Variants in PAK2 observed in about 807,000 individuals in gnomAD.
The protein encoded by PAK2 is p21 (RAC1) activated kinase 2, also known as serine/threonine-protein kinase PAK 2.
PAK2 carries 21 observed loss-of-function variants against 65.9 expected under a neutral mutation model. The observed-to-expected ratio is 0.32, with a 90% CI of 0.23 to 0.46. PAK2 has a LOEUF of 0.46. Among genes scored for constraint, PAK2 ranks in the 20% least tolerant of loss-of-function variants. The pLI is 1.00. For synonymous variants in PAK2, 204 were observed against 219.7 expected, an observed-to-expected ratio of 0.93 and a Z score of 0.63; for missense variants, 324 against 642.6, an observed-to-expected ratio of 0.50 and a Z score of 5.36.
intron 1 of PAK2, among the ~76,000 whole-genome samples, chr3:196,768,758 T>C (rs2108727929): frequency 6.6e-6 from 1 of 151,926 alleles, no homozygotes; most frequent in Non-Finnish European, 1.5e-5. Context: ...CTCCTCCTCA[T>C]GAGTTCAAGC....
rs1712063320 is a variant in PAK2 at position 196,831,022 on chromosome 3, G to A, written c.*2617G>A. On this transcript the variant is annotated 3_prime_UTR_variant, in exon 15 of 15. Coordinates refer to ENST00000327134, the MANE Select transcript of PAK2 (RefSeq NM_002577.4). Reference sequence around the variant, plus strand: ...ATGCCTCAGCCTCCTGAGTAGCTGAGACCACAGGCACCCGCCACCACACCC... The same window carrying A: ...ATGCCTCAGCCTCCTGAGTAGCTGAAACCACAGGCACCCGCCACCACACCC... 2 of 152,116 alleles carry A rather than the reference G, an allele frequency of 1.3e-5. No individual in the cohort carries two copies. The highest frequency in any genetic ancestry group is 4.8e-5 in the African/African-American group (2 of 41,402). 9.4% of individuals were successfully genotyped at this position (152,116 alleles called of 1,614,324 possible). A position where few individuals can be genotyped will look rare whatever the true frequency, so the allele number is the denominator to read the frequency against.
chr3:196,809,781 C>G (rs1302184508), intron 7 of PAK2, among the ~76,000 whole-genome samples: 1 of 151,702 alleles, frequency 6.6e-6, no homozygotes, highest in African/African-American at 2.4e-5. Context: ...TGTTTCTTTG[C>G]TTGTTGACTT....
At chr3:196,783,452 C>G (rs947361512) in intron 2 of PAK2, among the ~76,000 whole-genome samples, 2 of 151,872 alleles carry the variant, frequency 1.3e-5, no homozygotes, top group Non-Finnish European at 2.9e-5. Flanking sequence ...CACAGTGGCT[C>G]GTGCCTGTAA....
rs114588117 is a variant in PAK2 at position 196,760,573 on chromosome 3, A to G, written c.-22+20416A>G. On this transcript the variant is annotated intron_variant, in intron 1 of 14. Transcript: ENST00000327134. ...GACTCTGAGTATGATTTCTTACCTCATTGTTCATATTTCTACAGTGATAAG... is the reference window on the plus strand; with the variant it reads ...GACTCTGAGTATGATTTCTTACCTCGTTGTTCATATTTCTACAGTGATAAG... Among the ~76,000 whole-genome samples the G allele has an allele frequency of 6.2e-3, 939 of 152,260 alleles. 9 individuals are homozygous for G. Among genetic ancestry groups the G allele is most frequent in the African/African-American group, 0.022 (909 of 41,566 alleles).
At chr3:196,753,349 G>C (rs1340067891) in intron 1 of PAK2, among the ~76,000 whole-genome samples, 1 of 151,938 alleles carries the variant, frequency 6.6e-6, no homozygotes, top group Non-Finnish European at 1.5e-5. Flanking sequence ...CTTTCAGGCA[G>C]TCCTCCCATC....
At chr3:196,770,783 C>T (rs1560098131) in intron 1 of PAK2, among the ~76,000 whole-genome samples, 1 of 151,722 alleles carries the variant, frequency 6.6e-6, no homozygotes, top group Non-Finnish European at 1.5e-5. Context: ...CCACCACGCC[C>T]GACTAATTTT....
chr3:196,809,875 T>C (rs1245468910), intron 7 of PAK2, among the ~76,000 whole-genome samples: 3 of 152,052 alleles, frequency 2.0e-5, no homozygotes, highest in African/African-American at 7.2e-5. Flanking sequence ...AGTGAAAGTT[T>C]AATGTGGTTT....
intron 1 of PAK2, among the ~76,000 whole-genome samples, chr3:196,767,565 T>C (rs558751944): frequency 6.6e-5 from 10 of 152,254 alleles, no homozygotes; most frequent in Non-Finnish European, 1.3e-4. Flanking sequence ...CTTGGCTCAC[T>C]GCAACCTCCG....
intron 1 of PAK2, among the ~76,000 whole-genome samples, chr3:196,765,197 G>A (rs1289376371): frequency 1.4e-5 from 2 of 147,146 alleles, no homozygotes; most frequent in Non-Finnish European, 3.0e-5. Context: ...ACCCAGACTG[G>A]AGTGCAGTGG....
intron 14 of PAK2, 95 bp downstream of exon 14, chr3:196,827,428 C>A: frequency 6.6e-7 from 1 of 1,522,436 alleles, no homozygotes; most frequent in Admixed American, 2.2e-5. Flanking sequence ...TTTCACTACT[C>A]ATTGATCACC....
intron 10 of PAK2, among the ~76,000 whole-genome samples, chr3:196,813,419 CTG>C (rs1715889614): frequency 6.8e-6 from 1 of 146,794 alleles, no homozygotes; most frequent in South Asian, 2.2e-4. Flanking sequence ...GATCGCACCA[CTG>C]CACTCCAGCC....
chr3:196,754,731 C>A (rs1014950270), intron 1 of PAK2, among the ~76,000 whole-genome samples: 2 of 152,204 alleles, frequency 1.3e-5, no homozygotes, highest in African/African-American at 4.8e-5. Context: ...CCCGCTGGAA[C>A]CTTACCTGCA....
intron 1 of PAK2, among the ~76,000 whole-genome samples, chr3:196,744,676 T>C (rs1713314707): frequency 6.6e-6 from 1 of 152,236 alleles, no homozygotes. Flanking sequence ...TTATGTTGAT[T>C]TTAAAATAAA....
At chr3:196,747,414 T>C (rs763221436) in intron 1 of PAK2, 3 of 152,216 alleles carry the variant, frequency 2.0e-5, no homozygotes, top group South Asian at 2.1e-4. Flanking sequence ...CTAATTTACA[T>C]GGACAATGTT....
chr3:196,763,056 G>GA (rs751586104), intron 1 of PAK2, among the ~76,000 whole-genome samples: 14 of 152,314 alleles, frequency 9.2e-5, no homozygotes, highest in Non-Finnish European at 1.9e-4. Flanking sequence ...CCCTAGGGCT[G>GA]AGATAGACCC....
intron 1 of PAK2, among the ~76,000 whole-genome samples, chr3:196,741,427 TG>T (rs950796407): frequency 1.3e-5 from 2 of 152,232 alleles, no homozygotes; most frequent in African/African-American, 4.8e-5. Flanking sequence ...CGTGTATATA[TG>T]AAGAGCCTTT....
At chr3:196,801,865 G>A (rs1025871114) in intron 2 of PAK2, 62 bp from the exon 3 acceptor site, 3 of 800,252 alleles carry the variant, frequency 3.7e-6, no homozygotes, top group African/African-American at 3.5e-5. Context: ...AAAATTATAA[G>A]TGCCTTTACT....
Position 196,759,498 on chromosome 3 carries a change from GTTTT to G in PAK2, c.-22+19377_-22+19380del, listed in dbSNP as rs71301221. Among the ~76,000 whole-genome samples, 72 of 108,146 alleles carry G rather than the reference GTTTT, an allele frequency of 6.7e-4. 2 individuals are homozygous for G. In the East Asian group the frequency reaches 8.9e-3, roughly 13 times the overall value. The allele number at this position is 108,146 out of a possible 152,430, so 70.9% of individuals were successfully genotyped here. A position where few individuals can be genotyped will look rare whatever the true frequency, so the allele number is the denominator to read the frequency against. Reference sequence around the variant, plus strand: ...GGTATACAGTTAAGTGGTTTTTTTTGTTTTTTTTTTTTTTTTTTTTTTTTTTTTT... The same window carrying G: ...GGTATACAGTTAAGTGGTTTTTTTTGTTTTTTTTTTTTTTTTTTTTTTTTT... On this transcript the variant is annotated intron_variant, in intron 1 of 14. Transcript: ENST00000327134.
chr3:196,761,443 G>A (rs1358297035), intron 1 of PAK2, among the ~76,000 whole-genome samples: 2 of 74,488 alleles, frequency 2.7e-5, no homozygotes, highest in Non-Finnish European at 5.3e-5. Context: ...AGTGGACACA[G>A]CACATGTTTC....
Sources: allele counts gnomAD v4.1 joint callset (sites outside exome capture counted in the v4.1 genomes callset), GRCh38; gene constraint gnomAD v4.1.1; transcripts MANE v1.5; gene names NCBI Gene and HGNC (gene_info 2026-07-23, HGNC 2026-07-21).